CRACDL: variants seen among roughly 807,000 people sequenced by gnomAD.
CRACDL encodes the protein CRACD like, also known as CRACD-like protein.
In CRACDL, 26 loss-of-function variants were observed where a neutral mutation model predicts 70.6. The ratio of observed to expected loss-of-function variants is 0.37; its 90% CI spans 0.27 to 0.51. The LOEUF is 0.51. Among genes scored for constraint, CRACDL ranks in the 20% least tolerant of loss-of-function variants. The pLI is 0.94. For synonymous variants in CRACDL, 618 were observed against 615.2 expected (o/e 1.00, Z -0.07); for missense variants, 1,283 against 1,376.9 (o/e 0.93, Z 1.08).
At chr2:98,876,588 C>T (rs866175849) in intron 1 of CRACDL, among the ~76,000 whole-genome samples, 45 of 152,204 alleles carry the variant, frequency 3.0e-4, no homozygotes, top group Admixed American at 9.2e-4. Context: ...GGTGGAACAA[C>T]TTTATTCCAA....
chr2:98,836,604 G>T (rs1253334939), intron 3 of CRACDL, among the ~76,000 whole-genome samples: 1 of 152,142 alleles, frequency 6.6e-6, no homozygotes, highest in Non-Finnish European at 1.5e-5. Flanking sequence ...CCTGTCTGTG[G>T]TTGGAGGGGC....
intron 2 of CRACDL, among the ~76,000 whole-genome samples, chr2:98,842,066 T>C (rs575469316): frequency 6.6e-6 from 1 of 152,264 alleles, no homozygotes; most frequent in African/African-American, 2.4e-5. Context: ...ATTGGGTTTC[T>C]TAAACCTGTG....
At chr2:98,929,645 T>G (rs1478933045) in intron 1 of CRACDL, among the ~76,000 whole-genome samples, 2 of 152,152 alleles carry the variant, frequency 1.3e-5, no homozygotes, top group Non-Finnish European at 2.9e-5. Flanking sequence ...CTCCCCCATC[T>G]GGATGGGATG....
At position 98,936,204 on chromosome 2, in the gene CRACDL, CCGGCTTCGCT is replaced by C. The variant is rs985556469; in HGVS notation, c.-287_-278del. 6.6e-6 allele frequency: 1 copy of C among 150,472 alleles called. No individual in the cohort carries two copies. Among genetic ancestry groups the C allele is most frequent in the Admixed American group, 6.6e-5 (1 of 15,102 alleles). The allele number at this position is 150,472 out of a possible 1,614,324, so 9.3% of individuals were successfully genotyped here. ...CTCCCAGCTCCCAGCTGCAGGCGCG[CCGGCTTCGCT>C]CGGCTCCGCTCGGCTCGGCGGGGGC... On this transcript the variant is annotated 5_prime_UTR_variant, in exon 1 of 10. Transcript: ENST00000397899.
At chr2:98,882,103 G>A (rs939483886) in intron 1 of CRACDL, among the ~76,000 whole-genome samples, 2 of 152,214 alleles carry the variant, frequency 1.3e-5, no homozygotes, top group African/African-American at 4.8e-5. Context: ...GTCACTGAAG[G>A]CCAAATAAAG....
intron 1 of CRACDL, among the ~76,000 whole-genome samples, chr2:98,925,554 C>T (rs1036707302): frequency 4.6e-5 from 7 of 152,136 alleles, no homozygotes; most frequent in African/African-American, 7.2e-5. Context: ...CCACACAGCA[C>T]GCACAGGCAG....
At chr2:98,811,735 T>C (rs901664539) in intron 7 of CRACDL, among the ~76,000 whole-genome samples, 1 of 152,116 alleles carries the variant, frequency 6.6e-6, no homozygotes, top group Non-Finnish European at 1.5e-5. Flanking sequence ...TACTGATCTA[T>C]TTGTTCTCTG....
chr2:98,798,408 C>T (rs1472048550), intron 7 of CRACDL, among the ~76,000 whole-genome samples: 7 of 128,680 alleles, frequency 5.4e-5, no homozygotes, highest in African/African-American at 2.0e-4. Flanking sequence ...CGCGCCACTG[C>T]ACTCCAGCCT....
chr2:98,811,619 T>A (rs1704568451), intron 7 of CRACDL, among the ~76,000 whole-genome samples: 1 of 152,114 alleles, frequency 6.6e-6, no homozygotes, highest in East Asian at 1.9e-4. Flanking sequence ...TTTAGCTTCT[T>A]ATAACAACCG....
At chr2:98,838,671 A>C (rs1705898307) in intron 2 of CRACDL, among the ~76,000 whole-genome samples, 1 of 152,180 alleles carries the variant, frequency 6.6e-6, no homozygotes, top group Non-Finnish European at 1.5e-5. Context: ...TCTCTCAAAA[A>C]AAATAAAATA....
chr2:98,806,519 G>A (rs745963900), intron 7 of CRACDL, among the ~76,000 whole-genome samples: 23 of 151,546 alleles, frequency 1.5e-4, no homozygotes, highest in Non-Finnish European at 2.5e-4. Context: ...CCAGGGCCGG[G>A]CTCAACGGCA....
At chr2:98,847,909 G>C (rs1466201328) in intron 1 of CRACDL, among the ~76,000 whole-genome samples, 1 of 152,140 alleles carries the variant, frequency 6.6e-6, no homozygotes, top group African/African-American at 2.4e-5. Context: ...GCCCGAGTTG[G>C]CTCTAATATT....
chr2:98,839,539 A>C (rs1705930573), intron 2 of CRACDL, among the ~76,000 whole-genome samples: 1 of 152,244 alleles, frequency 6.6e-6, no homozygotes, highest in African/African-American at 2.4e-5. Flanking sequence ...TATCATGACC[A>C]TCAAAAATGC....
intron 1 of CRACDL, among the ~76,000 whole-genome samples, chr2:98,932,165 G>A (rs1355750621): frequency 2.0e-5 from 3 of 152,162 alleles, no homozygotes; most frequent in African/African-American, 4.8e-5. Context: ...CAGCAGTACC[G>A]GTGTTTGCAG....
intron 1 of CRACDL, among the ~76,000 whole-genome samples, chr2:98,854,295 A>G (rs1473398445): frequency 1.3e-5 from 2 of 150,428 alleles, no homozygotes; most frequent in Admixed American, 6.6e-5. Flanking sequence ...AAAAAAAAAA[A>G]AAAAAGAAAG....
intron 1 of CRACDL, among the ~76,000 whole-genome samples, chr2:98,876,689 A>G (rs1707495989): frequency 6.6e-6 from 1 of 152,220 alleles, no homozygotes; most frequent in Non-Finnish European, 1.5e-5. Context: ...CTGCTGCTCT[A>G]GAGAGTTTAA....
chr2:98,873,294 A>G (rs917637409), intron 1 of CRACDL, among the ~76,000 whole-genome samples: 1 of 152,204 alleles, frequency 6.6e-6, no homozygotes, highest in African/African-American at 2.4e-5. Context: ...TCTCCACATC[A>G]TCTCTGTGAC....
intron 7 of CRACDL, among the ~76,000 whole-genome samples, chr2:98,810,216 C>T (rs926402876): frequency 2.3e-4 from 35 of 152,106 alleles, no homozygotes; most frequent in African/African-American, 7.7e-4. Flanking sequence ...TCAATATGGG[C>T]AGGGGTGTGT....
At chr2:98,890,991 A>G (rs1177274316) in intron 1 of CRACDL, among the ~76,000 whole-genome samples, 1 of 151,898 alleles carries the variant, frequency 6.6e-6, no homozygotes, top group Non-Finnish European at 1.5e-5. Flanking sequence ...CAGGAGATGG[A>G]GGTTGCAGCG....
Sources: gnomAD v4.1 joint callset for allele counts (sites outside exome capture counted in the v4.1 genomes callset) on GRCh38, gnomAD v4.1.1 for gene constraint, MANE v1.5 for transcripts, NCBI Gene and HGNC (gene_info 2026-07-23, HGNC 2026-07-21) for gene names.